IPO9: variants seen among roughly 807,000 people sequenced by gnomAD.
IPO9 encodes the protein importin-9.
A neutral mutation model predicts 128.6 loss-of-function variants in IPO9; 28 were observed. The ratio of observed to expected loss-of-function variants is 0.22; its 90% CI spans 0.16 to 0.30. The LOEUF is 0.30. Among genes scored for constraint, IPO9 ranks in the 10% least tolerant of loss-of-function variants. The pLI, the probability that IPO9 is intolerant of heterozygous loss-of-function variation, is 1.00. For missense variants in IPO9, 935 were observed against 1,293.9 expected, an observed-to-expected ratio of 0.72 and a Z score of 4.26; for synonymous variants, 455 against 475.8, an observed-to-expected ratio of 0.96 and a Z score of 0.57.
chr1:201,871,087 C>A, intron 18 of IPO9, 74 bp from the exon 19 acceptor site: 1 of 1,448,706 alleles, frequency 6.9e-7, no homozygotes, highest in South Asian at 1.2e-5. Flanking sequence ...TCTTATCTGA[C>A]TGGCCAGTTC....
At chr1:201,851,401 CT>C (rs1416305563) in intron 4 of IPO9, among the ~76,000 whole-genome samples, 1 of 151,500 alleles carries the variant, frequency 6.6e-6, no homozygotes, top group Non-Finnish European at 1.5e-5. Context: ...TATTCTGCTG[CT>C]TTGTAACATG....
At chr1:201,856,131 T>A (rs898863322) in intron 10 of IPO9, among the ~76,000 whole-genome samples, 197 bp downstream of exon 10, 2 of 147,850 alleles carry the variant, frequency 1.4e-5, no homozygotes, top group Non-Finnish European at 3.0e-5. Context: ...ATACCTGGCT[T>A]TTTTTTTTTT....
At chr1:201,847,239 T>G (rs769045882) in intron 1 of IPO9, 40 bp from the exon 2 acceptor site, 2 of 1,479,278 alleles carry the variant, frequency 1.4e-6, no homozygotes. Flanking sequence ...TCTATGGCTT[T>G]CCTAGGTACT....
intron 1 of IPO9, among the ~76,000 whole-genome samples, chr1:201,833,541 A>G (rs1679875820): frequency 6.6e-6 from 1 of 152,102 alleles, no homozygotes; most frequent in African/African-American, 2.4e-5. Context: ...GCCTGGCTGG[A>G]ATGATTTTCT....
intron 4 of IPO9, among the ~76,000 whole-genome samples, chr1:201,849,467 C>G (rs1680179185): frequency 6.6e-6 from 1 of 152,186 alleles, no homozygotes; most frequent in African/African-American, 2.4e-5. Flanking sequence ...CATCTTTCTC[C>G]TTTGTTCATA....
chr1:201,848,604 G>A lies in IPO9; in HGVS notation c.514+10G>A, dbSNP rs1453064017. 4 of 1,613,058 alleles carry A rather than the reference G, an allele frequency of 2.5e-6. No homozygotes were observed. The highest frequency in any genetic ancestry group is 2.2e-5 in the South Asian group (2 of 91,054). On this transcript the variant is annotated intron_variant, in intron 4 of 23. Coordinates refer to ENST00000361565, the MANE Select transcript of IPO9 (RefSeq NM_018085.5). ...ATGCGTGTGCTGACAGGTACCAGAA[G>A]CCCTTTTCCCTGGTATTGGTACTTG...
chr1:201,869,717 A>G lies in IPO9; in HGVS notation c.2132A>G (p.Gln711Arg). Residue 711 changes from glutamine (Q) to arginine (R), a missense_variant and splice_region_variant, in exon 17 of 24, where the codon CAG becomes CGG. This residue lies in a region of IPO9 where 741 missense variants were observed against 1,019.1 expected (regional missense o/e 0.73). Transcript: ENST00000361565. ...TLHTDDNATM[Q>R]NGGECLRAYV... ...CACACAGATGACAATGCCACCATGC[A>G]GGTATCTGAGACATGGAGAGTAGAA... 1 of 1,614,098 alleles carries G rather than the reference A, an allele frequency of 6.2e-7. No individual in the cohort carries two copies. Among genetic ancestry groups the G allele is most frequent in the Non-Finnish European group, 8.5e-7 (1 of 1,179,954 alleles).
intron 6 of IPO9, among the ~76,000 whole-genome samples, chr1:201,853,946 C>T (rs953538143): frequency 3.3e-5 from 5 of 152,100 alleles, no homozygotes; most frequent in Non-Finnish European, 7.4e-5. Context: ...CCATGTTGGC[C>T]AGGATGGTCT....
At chr1:201,839,273 G>A (rs1311825566) in intron 1 of IPO9, among the ~76,000 whole-genome samples, 1 of 151,868 alleles carries the variant, frequency 6.6e-6, no homozygotes, top group Non-Finnish European at 1.5e-5. Context: ...CTGGAGTGCA[G>A]TGGCTCAGTC....
chr1:201,870,752 C>A lies in IPO9; in HGVS notation c.2303C>A (p.Ser768Tyr). ...GCGGCCTTTGTGGGCCGCCTTGTTTCCACCCTCATCTCCAAGGCAGGGCGG... is the reference window on the plus strand; with the variant it reads ...GCGGCCTTTGTGGGCCGCCTTGTTTACACCCTCATCTCCAAGGCAGGGCGG... ...FTAAFVGRLV[S>Y]TLISKAGREL... The change falls in exon 18 of 24, where the codon TCC becomes TAC. Residue 768 changes from serine (S) to tyrosine (Y), a missense_variant. Transcript: ENST00000361565. The surrounding 1 kb of genome is among the most constrained non-coding windows in gnomAD (Gnocchi z 4.9). 2 of 1,614,184 alleles carry A rather than the reference C, an allele frequency of 1.2e-6. No individual in the cohort carries two copies. Among genetic ancestry groups the A allele is most frequent in the Non-Finnish European group, 1.7e-6 (2 of 1,180,030 alleles).
intron 14 of IPO9, among the ~76,000 whole-genome samples, chr1:201,865,159 G>C (rs910909055): frequency 1.7e-4 from 25 of 150,644 alleles, no homozygotes; most frequent in Non-Finnish European, 3.1e-4. Flanking sequence ...GCCAATTGCA[G>C]ACTGGCTTAT....
intron 11 of IPO9, 37 bp downstream of exon 11, chr1:201,857,231 A>G (rs542945903): frequency 1.8e-5 from 24 of 1,315,506 alleles, no homozygotes; most frequent in South Asian, 4.7e-5. Context: ...CATAATTTCT[A>G]TCAGTCACTT....
rs534451361 is a variant in IPO9 at position 201,854,786 on chromosome 1, C to T, written c.811-37C>T. Reference sequence around the variant, plus strand: ...CTGAAATCATTTATTTCTTATATATCACTCATAACTTGGGTCCTTTTCTCT... The same window carrying T: ...CTGAAATCATTTATTTCTTATATATTACTCATAACTTGGGTCCTTTTCTCT... On this transcript the variant is annotated intron_variant, in intron 7 of 23. Transcript: ENST00000361565. 5.8e-4 allele frequency: 933 copies of T among 1,604,036 alleles called. 11 individuals carry two copies. The South Asian group carries it at 9.7e-3, about 17-fold the overall frequency.
At chr1:201,857,883 C>G (rs1359908045) in intron 11 of IPO9, among the ~76,000 whole-genome samples, 1 of 151,074 alleles carries the variant, frequency 6.6e-6, no homozygotes, top group African/African-American at 2.4e-5. Context: ...CCTAGCAAAA[C>G]AAAACAGATT....
Position 201,881,522 on chromosome 1 carries a change from A to G in IPO9, c.*5468A>G, listed in dbSNP as rs1164807488. The G allele has an allele frequency of 6.6e-6, 1 of 152,222 alleles. No individual in the cohort carries two copies. Among genetic ancestry groups the G allele is most frequent in the Non-Finnish European group, 1.5e-5 (1 of 68,054 alleles). 9.4% of individuals were successfully genotyped at this position (152,222 alleles called of 1,614,324 possible). On this transcript the variant is annotated 3_prime_UTR_variant, in exon 24 of 24. Coordinates refer to ENST00000361565, the MANE Select transcript of IPO9 (RefSeq NM_018085.5). ...AAACAATTTCATTTTCAGACCTTAT[A>G]AGCACGTTACAAGTACTGATATTTA...
chr1:201,868,809 G>C lies in IPO9; in HGVS notation c.2004+13G>C, dbSNP rs777741269. On this transcript the variant is annotated intron_variant, in intron 16 of 23. Coordinates refer to ENST00000361565, the MANE Select transcript of IPO9 (RefSeq NM_018085.5). ...AGGGCTTTGTGCGGTAAGTGGCCGT[G>C]TGTGTGTGTGTGTGTGTGTGAGAGA... 2.4e-6 allele frequency: 1 copy of C among 420,630 alleles called. No individual in the cohort carries two copies. The highest frequency in any genetic ancestry group is 3.9e-6 in the Non-Finnish European group (1 of 257,300). The allele number at this position is 420,630 out of a possible 1,614,324, so 26.1% of individuals were successfully genotyped here.
At chr1:201,869,478 T>C (rs938755059) in intron 16 of IPO9, 112 bp from the exon 17 acceptor site, 2 of 1,315,680 alleles carry the variant, frequency 1.5e-6, no homozygotes, top group African/African-American at 3.0e-5. Context: ...TGCCTTTCAT[T>C]AATAAGCTTT....
At chr1:201,845,333 A>AT (rs1680107640) in intron 1 of IPO9, among the ~76,000 whole-genome samples, 1 of 152,106 alleles carries the variant, frequency 6.6e-6, no homozygotes, top group African/African-American at 2.4e-5. Context: ...CAATATTCTT[A>AT]TTTTGTGGGT....
At chr1:201,872,715 G>C in intron 19 of IPO9, 113 bp from the exon 20 acceptor site, 1 of 1,226,774 alleles carries the variant, frequency 8.2e-7, no homozygotes, top group Middle Eastern at 2.0e-4. Flanking sequence ...CTAATTAGTT[G>C]TTAACGGAAT....
Sources: gnomAD v4.1 joint callset for allele counts (sites outside exome capture counted in the v4.1 genomes callset) on GRCh38, gnomAD v4.1.1 for gene constraint, gnomAD v4.1.1 regional missense constraint, Gnocchi (gnomAD v3.1) non-coding constraint, MANE v1.5 for transcripts, NCBI Gene and HGNC (gene_info 2026-07-23, HGNC 2026-07-21) for gene names.